The following PPM1G variants were observed in gnomAD, a reference collection of about 807,000 sequenced individuals.
PPM1G encodes protein phosphatase 1G.
PPM1G carries 12 observed loss-of-function variants against 59.4 expected under a neutral mutation model. That is an observed-to-expected ratio of 0.20 (90% confidence interval 0.13 to 0.33). The LOEUF is 0.33. Ranked by LOEUF, PPM1G falls within the 10% of genes least tolerant of loss-of-function variation. The probability of loss-of-function intolerance (pLI) is 1.00; values close to 1 mark genes in which losing one functional copy is unlikely to be tolerated. For synonymous variants in PPM1G, 245 were observed against 251.9 expected, an observed-to-expected ratio of 0.97 and a Z score of 0.26; for missense variants, 392 against 681.3, an observed-to-expected ratio of 0.58 and a Z score of 4.73.
intron 1 of PPM1G, among the ~76,000 whole-genome samples, chr2:27,398,785 G>A (rs867046242): frequency 2.2e-4 from 33 of 149,880 alleles, no homozygotes; most frequent in Admixed American, 1.3e-4. Context: ...TCATGCCACT[G>A]CACTCCAGCC....
chr2:27,401,784 G>A (rs1289828440), intron 1 of PPM1G, among the ~76,000 whole-genome samples: 1 of 151,888 alleles, frequency 6.6e-6, no homozygotes, highest in African/African-American at 2.4e-5. Context: ...CTGAGGCTGC[G>A]TCACTGCACT....
chr2:27,393,661 C>T (rs1469475049), intron 1 of PPM1G, among the ~76,000 whole-genome samples: 1 of 152,074 alleles, frequency 6.6e-6, no homozygotes, highest in Non-Finnish European at 1.5e-5. Flanking sequence ...CTTGGCTCCC[C>T]GCAACCTCCA....
Position 27,382,173 on chromosome 2 carries a change from G to A in PPM1G, c.1387C>T (p.Arg463Cys), listed in dbSNP as rs767959962. Residue 463 changes from arginine (R) to cysteine (C), a missense_variant, in exon 9 of 10, where the codon CGT (arginine) becomes TGT (cysteine). By Grantham distance (180) the Arg-to-Cys change is radical. This residue lies in a region of PPM1G where 29 missense variants were observed against 38.9 expected (regional missense o/e 0.75). Transcript: ENST00000344034. This position sits in a 1 kb window ranked among gnomAD's most constrained non-coding sequence, Gnocchi z 4.2. ...AACCGAAGCTCCCCATTTTCATCAC[G>A]CTGGCTGATCTTTGATTGAATGAAA... ...VDFIQSKISQ[R>C]DENGELRLLS... 5.6e-6 allele frequency: 9 copies of A among 1,614,056 alleles called. No homozygotes were observed. Among genetic ancestry groups the A allele is most frequent in the East Asian group, 2.2e-5 (1 of 44,902 alleles).
chr2:27,408,995 G>A (rs1388777385), intron 1 of PPM1G, among the ~76,000 whole-genome samples: 2 of 152,224 alleles, frequency 1.3e-5, no homozygotes, highest in Non-Finnish European at 2.9e-5. Flanking sequence ...CACCGTTGAT[G>A]AGCCTGGAGG....
chr2:27,384,161 G>C lies in PPM1G; in HGVS notation c.826-69C>G. ...CCTCCCTCCCCACAGCTCATACTCA[G>C]AATCAAGAGGTCCTGACTGAACACA... On this transcript the variant is annotated intron_variant, in intron 5 of 9. Transcript: ENST00000344034. The surrounding 1 kb of genome is among the most constrained non-coding windows in gnomAD (Gnocchi z 4.8). 1 of 1,604,928 alleles carries C rather than the reference G, an allele frequency of 6.2e-7. No homozygotes were observed. Among genetic ancestry groups the C allele is most frequent in the Non-Finnish European group, 8.5e-7 (1 of 1,175,896 alleles).
At chr2:27,392,296 T>G (rs868420291) in intron 1 of PPM1G, among the ~76,000 whole-genome samples, 10 of 142,552 alleles carry the variant, frequency 7.0e-5, no homozygotes, top group African/African-American at 1.1e-4. Context: ...GTTTTTTTTT[T>G]TTTTTTTTTT....
At position 27,384,045 on chromosome 2, in the gene PPM1G, A is replaced by C. The variant is rs2148417936; in HGVS notation, c.873T>G (p.Asn291Lys). 1 of 1,611,764 alleles carries C rather than the reference A, an allele frequency of 6.2e-7. No individual in the cohort carries two copies. The highest frequency in any genetic ancestry group is 1.3e-5 in the African/African-American group (1 of 74,812). The change falls in exon 6 of 10, where the codon AAT (asparagine) becomes AAG (lysine). Residue 291 changes from asparagine (N) to lysine (K), a missense_variant. Physicochemically the swap from Asn to Lys is moderately conservative, Grantham distance 94 (BLOSUM62 0). This residue lies in a region of PPM1G where 188 missense variants were observed against 248.8 expected (regional missense o/e 0.76). Transcript: ENST00000344034. The surrounding 1 kb of genome is among the most constrained non-coding windows in gnomAD (Gnocchi z 4.8). ...CCTCGGTGTCATCCTCATCTTCCTC[A>C]TTCTCTGCCTCCTCACTGCTGTAGC... Reference protein sequence around the residue: ...EDGYSSEEAENEEDEDDTEEA... With the variant: ...EDGYSSEEAEKEEDEDDTEEA...
At chr2:27,396,514 A>C (rs1384704260) in intron 1 of PPM1G, among the ~76,000 whole-genome samples, 13 of 151,722 alleles carry the variant, frequency 8.6e-5, no homozygotes, top group Admixed American at 7.2e-4. Context: ...ACTCAACTGT[A>C]CATTAAAAAA....
In PPM1G at chr2:27,393,356, C is replaced by T. The variant is rs1683965286; in HGVS notation, c.121-6198G>A. On this transcript the variant is annotated intron_variant, in intron 1 of 9. Coordinates refer to ENST00000344034, the MANE Select transcript of PPM1G (RefSeq NM_177983.3). ...AGTTCTGGCGCACCTGCGAGGTAGACGCGGTCGTCATGCCGGCGACTAAGG... is the reference window on the plus strand; with the variant it reads ...AGTTCTGGCGCACCTGCGAGGTAGATGCGGTCGTCATGCCGGCGACTAAGG... 3 of 1,591,674 alleles carry T rather than the reference C, an allele frequency of 1.9e-6. No individual in the cohort carries two copies. The Admixed American group carries it at 5.0e-5, about 27-fold the overall frequency.
Position 27,383,766 on chromosome 2 carries a change from T to C in PPM1G, c.967-166A>G, listed in dbSNP as rs998608436. Among the ~76,000 whole-genome samples, 6 of 152,100 alleles carry C rather than the reference T, an allele frequency of 3.9e-5. No individual in the cohort carries two copies. The highest frequency in any genetic ancestry group is 1.4e-4 in the African/African-American group (6 of 41,390). ...TTTCTAGAGACAGCAGCACACTCCC[T>C]CTCCCTTGTTTTTAGATAATTCAAC... On this transcript the variant is annotated intron_variant, in intron 6 of 9. Coordinates refer to ENST00000344034, the MANE Select transcript of PPM1G (RefSeq NM_177983.3). The surrounding 1 kb of genome is among the most constrained non-coding windows in gnomAD (Gnocchi z 5.0).
chr2:27,383,733 A>G lies in PPM1G; in HGVS notation c.967-133T>C. The G allele has an allele frequency of 8.7e-7, 1 of 1,151,858 alleles. No individual in the cohort carries two copies. Among genetic ancestry groups the G allele is most frequent in the East Asian group, 2.6e-5 (1 of 39,014 alleles). The allele number at this position is 1,151,858 out of a possible 1,614,324, so 71.4% of individuals were successfully genotyped here. The stretch of plus-strand genomic sequence containing the variant: ...GCTTTAACAAACAGGAGAAGCACAC[A>G]TTTCATCTTTCTAGAGACAGCAGCA... On this transcript the variant is annotated intron_variant, in intron 6 of 9. Coordinates refer to ENST00000344034, the MANE Select transcript of PPM1G (RefSeq NM_177983.3). This position sits in a 1 kb window ranked among gnomAD's most constrained non-coding sequence, Gnocchi z 5.0.
chr2:27,399,029 G>C (rs973655077), intron 1 of PPM1G, among the ~76,000 whole-genome samples: 1 of 151,710 alleles, frequency 6.6e-6, no homozygotes, highest in Non-Finnish European at 1.5e-5. Flanking sequence ...CTGGGTCCCA[G>C]CTACTCGGGA....
At chr2:27,398,215 C>T (rs1207511598) in intron 1 of PPM1G, among the ~76,000 whole-genome samples, 1 of 152,118 alleles carries the variant, frequency 6.6e-6, no homozygotes, top group South Asian at 2.1e-4. Flanking sequence ...CATTTACGGT[C>T]AATTTATCTC....
intron 1 of PPM1G, among the ~76,000 whole-genome samples, chr2:27,398,767 A>T (rs1684111274): frequency 6.6e-6 from 1 of 151,618 alleles, no homozygotes; most frequent in South Asian, 2.1e-4. Flanking sequence ...GGTTGCAGTG[A>T]GCCGAGATCA....
At chr2:27,403,009 G>A (rs6716277) in intron 1 of PPM1G, among the ~76,000 whole-genome samples, 6 of 151,828 alleles carry the variant, frequency 4.0e-5, no homozygotes, top group African/African-American at 1.4e-4. Flanking sequence ...AGGCTATGCA[G>A]TGAACTATGA....
chr2:27,393,318 G>C, intron 1 of PPM1G: 2 of 1,598,126 alleles, frequency 1.3e-6, no homozygotes, highest in Non-Finnish European at 1.7e-6. Context: ...GGCGGCCTCT[G>C]AGTCTTGGTG....
intron 1 of PPM1G, among the ~76,000 whole-genome samples, chr2:27,396,036 C>G (rs1684043473): frequency 6.6e-6 from 1 of 151,928 alleles, no homozygotes; most frequent in Non-Finnish European, 1.5e-5. Flanking sequence ...TTTGGGAGGC[C>G]AAGGCAGGTG....
chr2:27,381,432 G>T lies in PPM1G; in HGVS notation c.*167C>A. The T allele has an allele frequency of 1.4e-6, 1 of 698,632 alleles. No homozygotes were observed. The highest frequency in any genetic ancestry group is 2.4e-6 in the Non-Finnish European group (1 of 411,802). 43.3% of individuals were successfully genotyped at this position (698,632 alleles called of 1,614,324 possible). On this transcript the variant is annotated 3_prime_UTR_variant, in exon 10 of 10. Transcript: ENST00000344034. ...CTGGGAAGGACAGCAGAGGCTCCCG[G>T]CTGCAGTGTGGAGGGAGAGCCCTCT...
intron 1 of PPM1G, among the ~76,000 whole-genome samples, chr2:27,388,325 C>T (rs932886512): frequency 3.3e-5 from 5 of 151,940 alleles, no homozygotes; most frequent in African/African-American, 1.2e-4. Context: ...AGGAGAATCA[C>T]TTGAACCCCG....
Sources: allele counts gnomAD v4.1 joint callset (sites outside exome capture counted in the v4.1 genomes callset), GRCh38; gene constraint gnomAD v4.1.1; regional missense constraint gnomAD v4.1.1; non-coding constraint Gnocchi (gnomAD v3.1); transcripts MANE v1.5; gene names NCBI Gene and HGNC (gene_info 2026-07-23, HGNC 2026-07-21).